SYNJ2BP: variants seen among roughly 807,000 people sequenced by gnomAD.
SYNJ2BP encodes the protein synaptojanin 2 binding protein.
In SYNJ2BP, 10 loss-of-function variants were observed where a neutral mutation model predicts 16.9. The observed-to-expected ratio is 0.59, with a 90% CI of 0.36 to 1.00. SYNJ2BP has a LOEUF of 1.00. SYNJ2BP is among the 50% of genes least tolerant of loss of function. SYNJ2BP has a pLI of 0.01. For synonymous variants in SYNJ2BP, 54 were observed against 68.4 expected (o/e 0.79, Z 1.04); for missense variants, 162 against 186.7 (o/e 0.87, Z 0.77).
chr14:70,393,640 T>C (rs889874756), intron 1 of SYNJ2BP, among the ~76,000 whole-genome samples: 3 of 152,208 alleles, frequency 2.0e-5, no homozygotes, highest in Non-Finnish European at 2.9e-5. Context: ...AATGAGTTCA[T>C]GTCCTTTGCA....
intron 1 of SYNJ2BP, among the ~76,000 whole-genome samples, chr14:70,403,538 T>C (rs1888284783): frequency 1.3e-5 from 2 of 151,862 alleles, no homozygotes; most frequent in Non-Finnish European, 2.9e-5. Flanking sequence ...ACCAAGATGG[T>C]GATGAGAGTG....
At chr14:70,404,145 C>A (rs886579266) in intron 1 of SYNJ2BP, among the ~76,000 whole-genome samples, 3 of 150,506 alleles carry the variant, frequency 2.0e-5, no homozygotes, top group African/African-American at 7.3e-5. Context: ...AAGCAACTGG[C>A]AAGATCCTGT....
At chr14:70,400,858 T>C (rs752793490) in intron 1 of SYNJ2BP, among the ~76,000 whole-genome samples, 1 of 152,240 alleles carries the variant, frequency 6.6e-6, no homozygotes, top group Non-Finnish European at 1.5e-5. Context: ...ATAAGGTCTA[T>C]TTCTAACATA....
At chr14:70,411,760 T>C (rs1310048083) in intron 1 of SYNJ2BP, among the ~76,000 whole-genome samples, 2 of 152,234 alleles carry the variant, frequency 1.3e-5, no homozygotes, top group African/African-American at 4.8e-5. Context: ...TCTTGAACTT[T>C]CCCAACACAG....
Position 70,392,390 on chromosome 14 carries a change from A to T in SYNJ2BP, c.65-3784T>A, listed in dbSNP as rs572945096. On this transcript the variant is annotated intron_variant, in intron 1 of 3. Transcript: ENST00000256366. ...CCAGATATGTGGACTGAAGCAAGTC[A>T]GTTTACCTCTGATCCTCAGCTTCCT... is the stretch of plus-strand genomic sequence containing the variant. Among the ~76,000 whole-genome samples the T allele has an allele frequency of 5.9e-5, 9 of 152,336 alleles. No homozygotes were observed. The South Asian group carries it at 1.9e-3, about 32-fold the overall frequency.
At chr14:70,400,869 G>A (rs1291593082) in intron 1 of SYNJ2BP, among the ~76,000 whole-genome samples, 1 of 152,142 alleles carries the variant, frequency 6.6e-6, no homozygotes, top group Non-Finnish European at 1.5e-5. Context: ...TTCTAACATA[G>A]CTAGGGGTGT....
intron 2 of SYNJ2BP, 128 bp from the exon 3 acceptor site, chr14:70,375,899 A>G (rs1298513633): frequency 8.6e-7 from 1 of 1,160,106 alleles, no homozygotes; most frequent in African/African-American, 1.6e-5. Context: ...GAGTATGGGC[A>G]AAGTTACTTA....
rs898985733 is a variant in SYNJ2BP at position 70,369,754 on chromosome 14, C to A, written c.*3237G>T. ...ATCGATAACACATAAGTTGAAACTT[C>A]ACAGGAAAACAAAGTACAGCTAGTT... On this transcript the variant is annotated 3_prime_UTR_variant, in exon 4 of 4. Coordinates refer to ENST00000256366, the MANE Select transcript of SYNJ2BP (RefSeq NM_018373.3). 6.6e-5 allele frequency: 10 copies of A among 152,176 alleles called. No individual in the cohort carries two copies. The highest frequency in any genetic ancestry group is 2.4e-4 in the African/African-American group (10 of 41,442). The allele number at this position is 152,176 out of a possible 1,614,324, so 9.4% of individuals were successfully genotyped here.
At chr14:70,397,792 C>T (rs915113754) in intron 1 of SYNJ2BP, among the ~76,000 whole-genome samples, 15 of 152,228 alleles carry the variant, frequency 9.9e-5, no homozygotes, top group African/African-American at 3.1e-4. Context: ...GACTGTGTTA[C>T]AGCTCTCTTA....
Position 70,372,940 on chromosome 14 carries a change from A to T in SYNJ2BP, c.*51T>A. 2 of 1,606,000 alleles carry T rather than the reference A, an allele frequency of 1.2e-6. No homozygotes were observed. Among genetic ancestry groups the T allele is most frequent in the African/African-American group, 1.3e-5 (1 of 74,968 alleles). On this transcript the variant is annotated 3_prime_UTR_variant, in exon 4 of 4. Coordinates refer to ENST00000256366, the MANE Select transcript of SYNJ2BP (RefSeq NM_018373.3). Reference sequence around the variant, plus strand: ...AGACATGGCAGAATAGCAGGGGTGGAGGGTGAGTGAAATGTATCTTCATTG... The same window carrying T: ...AGACATGGCAGAATAGCAGGGGTGGTGGGTGAGTGAAATGTATCTTCATTG...
intron 2 of SYNJ2BP, among the ~76,000 whole-genome samples, chr14:70,381,937 G>T (rs1887758590): frequency 6.6e-6 from 1 of 152,094 alleles, no homozygotes; most frequent in Admixed American, 6.5e-5. Flanking sequence ...CAATCCAGTG[G>T]GTCAAGACCA....
intron 1 of SYNJ2BP, among the ~76,000 whole-genome samples, chr14:70,396,313 T>TTGTGGTGATG (rs1888093411): frequency 6.6e-6 from 1 of 152,126 alleles, no homozygotes; most frequent in Non-Finnish European, 1.5e-5. Flanking sequence ...GAGACAGGGT[T>TTGTGGTGATG]TCACCATGTT....
At chr14:70,408,196 A>C (rs1364340597) in intron 1 of SYNJ2BP, among the ~76,000 whole-genome samples, 1 of 152,002 alleles carries the variant, frequency 6.6e-6, no homozygotes, top group Non-Finnish European at 1.5e-5. Context: ...GAGAAACAGA[A>C]GCCCCATATC....
chr14:70,380,972 A>C (rs17475866), intron 2 of SYNJ2BP, among the ~76,000 whole-genome samples: 1 of 152,194 alleles, frequency 6.6e-6, no homozygotes. Context: ...GCTGATCATT[A>C]TAACTCTACA....
intron 1 of SYNJ2BP, among the ~76,000 whole-genome samples, chr14:70,410,217 C>A (rs184668566): frequency 6.6e-6 from 1 of 152,104 alleles, no homozygotes; most frequent in Non-Finnish European, 1.5e-5. Flanking sequence ...GAGTTGGAGA[C>A]CAGCCTGGGC....
At chr14:70,396,944 A>T (rs1311903095) in intron 1 of SYNJ2BP, among the ~76,000 whole-genome samples, 4 of 151,466 alleles carry the variant, frequency 2.6e-5, no homozygotes, top group African/African-American at 9.7e-5. Context: ...GCTATCTTTA[A>T]CTCTCCTCAT....
intron 1 of SYNJ2BP, among the ~76,000 whole-genome samples, chr14:70,415,215 T>C (rs571113116): frequency 1.5e-3 from 225 of 149,746 alleles, no homozygotes; most frequent in South Asian, 2.6e-3. Flanking sequence ...TGATGAGTTA[T>C]ATTCCGATAA....
intron 1 of SYNJ2BP, among the ~76,000 whole-genome samples, chr14:70,413,148 C>T (rs1023046531): frequency 6.6e-6 from 1 of 152,110 alleles, no homozygotes; most frequent in African/African-American, 2.4e-5. Context: ...AAAAACAAAA[C>T]GAAGTTCCAA....
At chr14:70,380,628 C>T (rs940611170) in intron 2 of SYNJ2BP, among the ~76,000 whole-genome samples, 1 of 148,918 alleles carries the variant, frequency 6.7e-6, no homozygotes, top group East Asian at 2.0e-4. Context: ...TGCCACTGTA[C>T]TCCAGCCTGG....
Sources: allele counts gnomAD v4.1 joint callset (sites outside exome capture counted in the v4.1 genomes callset), GRCh38; gene constraint gnomAD v4.1.1; transcripts MANE v1.5; gene names NCBI Gene and HGNC (gene_info 2026-07-23, HGNC 2026-07-21).